SLC14A2: variants seen among roughly 807,000 people sequenced by gnomAD.
The protein encoded by SLC14A2 is urea transporter 2.
Under a neutral mutation model 104.6 loss-of-function variants are expected in SLC14A2, and 91 were observed. That is an observed-to-expected ratio of 0.87 (90% CI 0.73 to 1.04). SLC14A2 has a LOEUF of 1.04. Among genes scored for constraint, SLC14A2 ranks in the 50% least tolerant of loss-of-function variants. SLC14A2 has a pLI of 0.00. For synonymous variants in SLC14A2, 476 were observed against 466.4 expected (o/e 1.02, Z -0.27); for missense variants, 1,189 against 1,156.0 (o/e 1.03, Z -0.41).
intron 2 of SLC14A2, chr18:45,529,649 T>A (rs1201981961): frequency 1.3e-5 from 2 of 152,176 alleles, no homozygotes; most frequent in African/African-American, 4.8e-5. Context: ...GGCCCAAGAC[T>A]TAGGGTTGAA....
chr18:45,610,962 C>A (rs1359954166), upstream of SLC14A2, among the ~76,000 whole-genome samples: 5 of 152,188 alleles, frequency 3.3e-5, no homozygotes, highest in African/African-American at 1.2e-4. Context: ...AGGTTTACTG[C>A]CTGCGATGAC....
intron 2 of SLC14A2, among the ~76,000 whole-genome samples, chr18:45,592,666 G>A (rs2044664686): frequency 6.6e-6 from 1 of 152,234 alleles, no homozygotes; most frequent in African/African-American, 2.4e-5. Context: ...TTTGAGAGCA[G>A]CAAGGGGCAG....
chr18:45,555,662 T>A (rs998244784), intron 2 of SLC14A2, among the ~76,000 whole-genome samples: 2 of 152,208 alleles, frequency 1.3e-5, no homozygotes, highest in Non-Finnish European at 2.9e-5. Context: ...ATTTTTTTTA[T>A]TATGAATCAA....
chr18:45,430,421 T>C (rs2144548403), intron 1 of SLC14A2, among the ~76,000 whole-genome samples: 1 of 152,274 alleles, frequency 6.6e-6, no homozygotes, highest in South Asian at 2.1e-4. Flanking sequence ...AAAGAAAATA[T>C]ACACAAGGGA....
intron 1 of SLC14A2, among the ~76,000 whole-genome samples, chr18:45,406,816 T>C (rs2086160331): frequency 1.3e-5 from 2 of 152,206 alleles, no homozygotes; most frequent in Admixed American, 6.5e-5. Context: ...AATAATATTT[T>C]GAAAGTAATC....
intron 1 of SLC14A2, among the ~76,000 whole-genome samples, chr18:45,471,911 G>C (rs966367524): frequency 7.2e-5 from 11 of 151,868 alleles, no homozygotes; most frequent in African/African-American, 2.7e-4. Context: ...AAGTTCTGGG[G>C]TACATGTGCA....
At chr18:45,610,342 G>C (rs183743819) in intron 2 of SLC14A2, among the ~76,000 whole-genome samples, 1 of 152,308 alleles carries the variant, frequency 6.6e-6, no homozygotes, top group East Asian at 1.9e-4. Context: ...GAAAGATCTA[G>C]GTCAGGGTTT....
intron 2 of SLC14A2, among the ~76,000 whole-genome samples, chr18:45,488,965 G>A (rs1046998961): frequency 2.0e-5 from 3 of 152,130 alleles, no homozygotes; most frequent in African/African-American, 7.2e-5. Flanking sequence ...ACACATCCAG[G>A]CTGCAAAGCC....
At chr18:45,615,860 G>GGAGA (rs1377102373) in intron 1 of SLC14A2, among the ~76,000 whole-genome samples, 3 of 145,490 alleles carry the variant, frequency 2.1e-5, no homozygotes, top group African/African-American at 7.9e-5. Context: ...AGAGAGAGAG[G>GGAGA]GAGAGAGAGA....
At chr18:45,248,734 T>A (rs1370646694) in intron 1 of SLC14A2, among the ~76,000 whole-genome samples, 3 of 152,196 alleles carry the variant, frequency 2.0e-5, no homozygotes, top group Non-Finnish European at 4.4e-5. Flanking sequence ...GGAAGTGACT[T>A]GGATGTTTGA....
At chr18:45,435,436 G>A (rs1449973325) in intron 1 of SLC14A2, 4 of 152,148 alleles carry the variant, frequency 2.6e-5, no homozygotes, top group Admixed American at 1.3e-4. Flanking sequence ...ATCTGTGCAT[G>A]AAAAATGAGT....
chr18:45,422,317 T>C (rs562863297), intron 1 of SLC14A2, among the ~76,000 whole-genome samples: 3 of 152,288 alleles, frequency 2.0e-5, no homozygotes, highest in South Asian at 4.1e-4. Context: ...TCTGTGAATA[T>C]AGAGATTTCA....
intron 2 of SLC14A2, among the ~76,000 whole-genome samples, chr18:45,539,946 A>G (rs77421476): frequency 0.021 from 3,203 of 152,256 alleles, 128 homozygotes; most frequent in African/African-American, 0.073. Context: ...TCATGTGTTT[A>G]AAATACTGTA....
intron 1 of SLC14A2, among the ~76,000 whole-genome samples, chr18:45,269,111 C>G (rs952122447): frequency 1.3e-5 from 2 of 151,870 alleles, no homozygotes; most frequent in African/African-American, 4.8e-5. Context: ...TAGGCCAAAT[C>G]AAGATAAAAC....
intron 1 of SLC14A2, among the ~76,000 whole-genome samples, chr18:45,384,084 G>T (rs1171365744): frequency 1.3e-5 from 2 of 152,188 alleles, no homozygotes; most frequent in East Asian, 1.9e-4. Context: ...AGACATGCTA[G>T]CATAGGCACT....
At chr18:45,366,519 G>C (rs982427210) in intron 1 of SLC14A2, among the ~76,000 whole-genome samples, 6 of 152,184 alleles carry the variant, frequency 3.9e-5, no homozygotes, top group African/African-American at 1.4e-4. Context: ...CTGTGAATTA[G>C]AGAGCTGTTT....
At chr18:45,241,038 C>T (rs965687484) in intron 1 of SLC14A2, among the ~76,000 whole-genome samples, 9 of 152,120 alleles carry the variant, frequency 5.9e-5, no homozygotes, top group African/African-American at 2.2e-4. Flanking sequence ...CTCTGAGAAC[C>T]TTTAAGTGGA....
At chr18:45,292,122 GCAGGAATGATTATTCCATGAAA>G (rs1172192221) in intron 1 of SLC14A2, among the ~76,000 whole-genome samples, 6 of 152,226 alleles carry the variant, frequency 3.9e-5, no homozygotes, top group Non-Finnish European at 7.3e-5. Flanking sequence ...CCTTAATCTG[GCAGGAATGATTATTCCATGAAA>G]CAGTTAGGGC....
chr18:45,205,580 T>G, the SLC14A2 span, among the ~76,000 whole-genome samples: 1 of 152,072 alleles, frequency 6.6e-6, no homozygotes, highest in Non-Finnish European at 1.5e-5. Flanking sequence ...GATGGAAAAA[T>G]AGATCGGGTA....
Sources: gnomAD v4.1 joint callset for allele counts (sites outside exome capture counted in the v4.1 genomes callset) on GRCh38, gnomAD v4.1.1 for gene constraint, MANE v1.5 for transcripts, NCBI Gene and HGNC (gene_info 2026-07-23, HGNC 2026-07-21) for gene names.